BDP1: variants seen among roughly 807,000 people sequenced by gnomAD.
BDP1 encodes transcription factor TFIIIB component B'' homolog.
A neutral mutation model predicts 266.6 loss-of-function variants in BDP1; 169 were observed. The ratio of observed to expected loss-of-function variants is 0.63; its 90% CI spans 0.56 to 0.72. The LOEUF (loss-of-function observed/expected upper bound fraction) is 0.72, where lower values mean the gene tolerates loss of function less well. BDP1 is among the 30% of genes least tolerant of loss of function. The probability of loss-of-function intolerance (pLI) is 0.00; values close to 1 mark genes in which losing one functional copy is unlikely to be tolerated. For missense variants in BDP1, 3,015 were observed against 3,053.8 expected (o/e 0.99, Z 0.30); for synonymous variants, 1,090 against 1,022.4 (o/e 1.07, Z -1.26).
At chr5:71,502,246 C>T (rs1764294669) in intron 14 of BDP1, among the ~76,000 whole-genome samples, 1 of 144,632 alleles carries the variant, frequency 6.9e-6, no homozygotes, top group African/African-American at 2.6e-5. Context: ...GCAGTCTCTG[C>T]TCACTGCAAC....
rs1764840288 is a variant in BDP1 at position 71,510,377 on chromosome 5, A to G, written c.3285A>G (p.Glu1095=). 1 of 1,614,164 alleles carries G rather than the reference A, an allele frequency of 6.2e-7. No individual in the cohort carries two copies. The highest frequency in any genetic ancestry group is 1.1e-5 in the South Asian group (1 of 91,074). ...TAGAGATAGATTTGGAAGAAACTGA[A>G]AGAGAAATATCCCCACAGGAAAATG... ...EEIEIDLEET[E]REISPQENGL... Residue 1095 remains glutamate (E), a synonymous_variant, in exon 17 of 39, where the codon GAA becomes GAG. Coordinates refer to ENST00000358731, the MANE Select transcript of BDP1 (RefSeq NM_018429.3).
chr5:71,499,155 G>A (rs560585978), intron 13 of BDP1, among the ~76,000 whole-genome samples: 1 of 152,130 alleles, frequency 6.6e-6, no homozygotes, highest in East Asian at 1.9e-4. Flanking sequence ...GCTGTGGTGC[G>A]ATGGCGTGAT....
At chr5:71,481,391 G>GAAAAAAAAAAAAAAAAAAAAAAAAAAAA (rs58798987) in intron 7 of BDP1, among the ~76,000 whole-genome samples, 2 of 63,844 alleles carry the variant, frequency 3.1e-5, no homozygotes, top group Non-Finnish European at 2.7e-5. Context: ...TCTCTACAAA[G>GAAAAAAAAAAAAAAAAAAAAAAAAAAAA]AAAAAAAAAA....
In BDP1 at chr5:71,455,980, A is replaced by G; in HGVS notation, c.103A>G (p.Arg35Gly). The stretch of plus-strand genomic sequence containing the variant: ...TCCCCAGCGTGGACGGGAGTCTCCC[A>G]GGCCGCCGGATCCTGCCACGGACTC... Reference protein sequence around the residue: ...SNPQRGRESPRPPDPATDSAS... With the variant: ...SNPQRGRESPGPPDPATDSAS... The change falls in exon 1 of 39, where the codon AGG becomes GGG. Residue 35 changes from arginine to glycine, a missense_variant. Coordinates refer to ENST00000358731, the MANE Select transcript of BDP1 (RefSeq NM_018429.3). 1 of 1,613,316 alleles carries G rather than the reference A, an allele frequency of 6.2e-7. No homozygotes were observed. The highest frequency in any genetic ancestry group is 1.1e-5 in the South Asian group (1 of 91,042).
In BDP1 at chr5:71,486,535, T is replaced by C; in HGVS notation, c.1121T>C (p.Val374Ala). The change falls in exon 9 of 39, where the codon GTT becomes GCT. Residue 374 changes from valine to alanine, a missense_variant. Coordinates refer to ENST00000358731, the MANE Select transcript of BDP1 (RefSeq NM_018429.3). ...FDFFAHLLQKVLAEEEKRKQK... is the reference protein window; with the variant it reads ...FDFFAHLLQKALAEEEKRKQK... ...TTTTTTGCTCATTTGCTTCAGAAAG[T>C]TCTTGCTGAAGAAGAGAAAAGAAAA... The C allele has an allele frequency of 6.5e-7, 1 of 1,545,992 alleles. No homozygotes were observed. The highest frequency in any genetic ancestry group is 8.6e-7 in the Non-Finnish European group (1 of 1,158,086).
chr5:71,515,333 G>A (rs747520150), intron 20 of BDP1, among the ~76,000 whole-genome samples: 1 of 152,072 alleles, frequency 6.6e-6, no homozygotes, highest in African/African-American at 2.4e-5. Context: ...TGTCAGCTGC[G>A]TAAGAGTGTA....
At position 71,510,323 on chromosome 5, in the gene BDP1, A is replaced by G. The variant is rs1764836232; in HGVS notation, c.3231A>G (p.Thr1077=). Reference sequence around the variant, plus strand: ...GAGACAGTTTCCCAAGGGGGAAGACACCAGAGGTGATTGATGCCATTGAGG... The same window carrying G: ...GAGACAGTTTCCCAAGGGGGAAGACGCCAGAGGTGATTGATGCCATTGAGG... ...TGRDSFPRGK[T]PEVIDAIEEI... Residue 1077 remains threonine (T), a synonymous_variant, in exon 17 of 39, where the codon ACA becomes ACG. Transcript: ENST00000358731. The G allele has an allele frequency of 2.5e-6, 4 of 1,613,836 alleles. No individual in the cohort carries two copies. The highest frequency in any genetic ancestry group is 1.3e-5 in the African/African-American group (1 of 74,870).
chr5:71,478,366 TTAAC>T (rs1762728792), intron 7 of BDP1, among the ~76,000 whole-genome samples: 1 of 152,210 alleles, frequency 6.6e-6, no homozygotes, highest in Non-Finnish European at 1.5e-5. Flanking sequence ...TTTTTAGCAT[TTAAC>T]TATTTATTTA....
rs1561700017 is a variant in BDP1, at chr5:71,489,660, T to G, written c.1470T>G (p.Pro490=). ...LLENATVQAG[P]SKGEKHKNKC... Reference sequence around the variant, plus strand: ...AAAATGCCACTGTTCAGGCGGGTCCTTCTAAAGGAGAAAAACACAAGAGTA... The same window carrying G: ...AAAATGCCACTGTTCAGGCGGGTCCGTCTAAAGGAGAAAAACACAAGAGTA... Residue 490 remains proline, a synonymous_variant, in exon 10 of 39, where the codon CCT becomes CCG. Transcript: ENST00000358731. 1 of 1,605,936 alleles carries G rather than the reference T, an allele frequency of 6.2e-7. No individual in the cohort carries two copies. Among genetic ancestry groups the G allele is most frequent in the East Asian group, 2.2e-5 (1 of 44,824 alleles).
At position 71,504,771 on chromosome 5, in the gene BDP1, T is replaced by G. The variant is rs769615942; in HGVS notation, c.2372+20T>G. 194 of 1,603,388 alleles carry G rather than the reference T, an allele frequency of 1.2e-4. No individual in the cohort carries two copies. Among genetic ancestry groups the G allele is most frequent in the Non-Finnish European group, 7.6e-5 (89 of 1,177,288 alleles). Reference sequence around the variant, plus strand: ...TCTAAGGTAAGCATCATTTTGTTGATATATAATCTTTGGATTTTGTAAAAA... The same window carrying G: ...TCTAAGGTAAGCATCATTTTGTTGAGATATAATCTTTGGATTTTGTAAAAA... On this transcript the variant is annotated intron_variant, in intron 16 of 38. Transcript: ENST00000358731.
Position 71,500,051 on chromosome 5 carries a change from TTC to T in BDP1, c.1957-1509_1957-1508del, listed in dbSNP as rs1470139727. Among the ~76,000 whole-genome samples, 17 of 152,296 alleles carry T rather than the reference TTC, an allele frequency of 1.1e-4. No individual in the cohort carries two copies. In the East Asian group the frequency reaches 2.3e-3, roughly 21 times the overall value. ...TCTATTTACATTGCTAAATGAATCT[TTC>T]TGTTTCCTTATAACTTTTCCAGAAT... On this transcript the variant is annotated intron_variant, in intron 13 of 38. Coordinates refer to ENST00000358731, the MANE Select transcript of BDP1 (RefSeq NM_018429.3).
Position 71,513,288 on chromosome 5 carries a change from AAG to A in BDP1, c.4359_4360del (p.Glu1453AspfsTer10). The A allele has an allele frequency of 1.9e-6, 3 of 1,613,278 alleles. No individual in the cohort carries two copies. The highest frequency in any genetic ancestry group is 2.5e-6 in the Non-Finnish European group (3 of 1,179,566). The part of the protein sequence containing the change: ...PKPNLARAAL[K>X]RETTESEKYI... ...ACCAAACTTAGCAAGAGCAGCTTTGAAGAGAGAGACTACAGAATCAGAAAAAT... is the reference window on the plus strand; with the variant it reads ...ACCAAACTTAGCAAGAGCAGCTTTGAAGAGAGACTACAGAATCAGAAAAAT... On this transcript the variant is annotated frameshift_variant, in exon 19 of 39. Transcript: ENST00000358731. LOFTEE classifies it high-confidence loss of function.
intron 26 of BDP1, among the ~76,000 whole-genome samples, chr5:71,536,945 G>T (rs966767362): frequency 1.3e-5 from 2 of 151,948 alleles, no homozygotes; most frequent in African/African-American, 4.8e-5. Flanking sequence ...TGGCCAACAT[G>T]GTGAAACCCC....
At chr5:71,553,719 C>T (rs7380115) in intron 35 of BDP1, among the ~76,000 whole-genome samples, 123,179 of 152,030 alleles carry the variant, frequency 0.81, 50,142 homozygotes, top group East Asian at 0.87. Flanking sequence ...ATCATCATGC[C>T]TAAAGCTACC....
At position 71,455,757 on chromosome 5, in the gene BDP1, C is replaced by A. The variant is rs192908056; in HGVS notation, c.-121C>A. 1.2e-6 allele frequency: 1 copy of A among 828,208 alleles called. No individual in the cohort carries two copies. The highest frequency in any genetic ancestry group is 1.9e-6 in the Non-Finnish European group (1 of 533,528). The allele number at this position is 828,208 out of a possible 1,614,324, so 51.3% of individuals were successfully genotyped here. On this transcript the variant is annotated 5_prime_UTR_variant, in exon 1 of 39. In the 5' UTR this introduces an upstream ATG that the reference lacks. Transcript: ENST00000358731. ...GCAGTGAAACTACGGTAGCTGCCCC[C>A]TGAGCTGGTGGTGTGGCTTTGTGGG...
At chr5:71,543,975 ATAT>A (rs1214014296) in intron 30 of BDP1, among the ~76,000 whole-genome samples, 2 of 152,178 alleles carry the variant, frequency 1.3e-5, no homozygotes, top group African/African-American at 2.4e-5. Flanking sequence ...CCCGTTTGTG[ATAT>A]TATTCTTTGC....
At chr5:71,549,686 A>G (rs1391827826) in intron 34 of BDP1, 80 bp downstream of exon 34, 3 of 1,160,816 alleles carry the variant, frequency 2.6e-6, no homozygotes, top group East Asian at 2.6e-5. Context: ...CAAACCATTC[A>G]CCAATGTTAG....
At chr5:71,547,783 A>G (rs1482511458) in intron 32 of BDP1, among the ~76,000 whole-genome samples, 1 of 151,974 alleles carries the variant, frequency 6.6e-6, no homozygotes. Context: ...CTCTGTCTCT[A>G]CTAAAAATAC....
intron 25 of BDP1, among the ~76,000 whole-genome samples, chr5:71,527,611 G>A (rs1327790088): frequency 6.6e-6 from 1 of 151,988 alleles, no homozygotes; most frequent in Non-Finnish European, 1.5e-5. Flanking sequence ...CATTTTCGAG[G>A]TTCAATAATA....
Sources: gnomAD v4.1 joint callset for allele counts (sites outside exome capture counted in the v4.1 genomes callset) on GRCh38, gnomAD v4.1.1 for gene constraint, MANE v1.5 for transcripts, NCBI Gene and HGNC (gene_info 2026-07-23, HGNC 2026-07-21) for gene names.